MAST4: variants seen among roughly 807,000 people sequenced by gnomAD.
MAST4 encodes microtubule associated serine/threonine kinase family member 4.
Under a neutral mutation model 162.7 loss-of-function variants are expected in MAST4, and 89 were observed. The ratio of observed to expected loss-of-function variants is 0.55; its 90% confidence interval spans 0.46 to 0.65. The LOEUF is 0.65. MAST4 is among the 30% of genes least tolerant of loss of function. The pLI is 0.00. For missense variants in MAST4, 3,153 were observed against 3,374.0 expected, an observed-to-expected ratio of 0.93 and a Z score of 1.62; for synonymous variants, 1,479 against 1,361.1, an observed-to-expected ratio of 1.09 and a Z score of -1.91.
intron 1 of MAST4, among the ~76,000 whole-genome samples, chr5:66,656,596 C>T (rs1428175224): frequency 6.6e-6 from 1 of 152,018 alleles, no homozygotes; most frequent in Non-Finnish European, 1.5e-5. Context: ...ACTCTAGATT[C>T]GATTAAAAAA....
chr5:66,974,080 C>A (rs1205604157), intron 4 of MAST4, among the ~76,000 whole-genome samples: 1 of 152,170 alleles, frequency 6.6e-6, no homozygotes, highest in Admixed American at 6.5e-5. Context: ...TCCTTAGCAT[C>A]TATAGTAAAT....
intron 14 of MAST4, among the ~76,000 whole-genome samples, chr5:67,128,829 C>A (rs752468278): frequency 6.6e-6 from 1 of 152,146 alleles, no homozygotes; most frequent in Admixed American, 6.6e-5. Context: ...ACTGGACATA[C>A]TTTACTGTGA....
intron 3 of MAST4, among the ~76,000 whole-genome samples, chr5:66,876,232 C>A (rs114325939): frequency 6.6e-6 from 1 of 152,158 alleles, no homozygotes; most frequent in Non-Finnish European, 1.5e-5. Context: ...CTGGTAAACA[C>A]TATCAATGCA....
At chr5:66,923,917 G>A (rs187633325) in intron 4 of MAST4, among the ~76,000 whole-genome samples, 10 of 152,282 alleles carry the variant, frequency 6.6e-5, no homozygotes, top group East Asian at 5.8e-4. Flanking sequence ...ATTCAGGACC[G>A]AAGGAGCAAA....
intron 2 of MAST4, among the ~76,000 whole-genome samples, chr5:66,773,958 C>G (rs1238669969): frequency 6.6e-6 from 1 of 152,174 alleles, no homozygotes; most frequent in African/African-American, 2.4e-5. Flanking sequence ...TCCCAGCTTC[C>G]CAGTCTGTGT....
At chr5:66,655,477 T>C (rs1225950127) in intron 1 of MAST4, among the ~76,000 whole-genome samples, 1 of 152,184 alleles carries the variant, frequency 6.6e-6, no homozygotes, top group African/African-American at 2.4e-5. Flanking sequence ...TGTTGAGATT[T>C]CAGTTCTAGG....
chr5:66,870,701 C>T (rs1245459244), intron 3 of MAST4: 8 of 456,858 alleles, frequency 1.8e-5, no homozygotes, highest in Non-Finnish European at 3.6e-5. Context: ...CCTTTTCTGA[C>T]CATTTCTCCA....
intron 1 of MAST4, among the ~76,000 whole-genome samples, chr5:66,726,354 C>G (rs1343500743): frequency 6.6e-6 from 1 of 151,984 alleles, no homozygotes; most frequent in African/African-American, 2.4e-5. Context: ...TTCCAAGGTT[C>G]CAGCAAGCCT....
chr5:66,731,382 A>C (rs1404184976), intron 1 of MAST4, among the ~76,000 whole-genome samples: 1 of 152,154 alleles, frequency 6.6e-6, no homozygotes, highest in African/African-American at 2.4e-5. Context: ...AGTTTGCTCG[A>C]TTCTAGGTTC....
chr5:66,662,266 T>A (rs77701972), intron 1 of MAST4: 1 of 152,186 alleles, frequency 6.6e-6, no homozygotes, highest in African/African-American at 2.4e-5. Flanking sequence ...CTTATTGCCC[T>A]TCCATTTTGC....
intron 4 of MAST4, among the ~76,000 whole-genome samples, chr5:67,004,329 C>A (rs1266449979): frequency 6.6e-6 from 1 of 152,206 alleles, no homozygotes. Flanking sequence ...AAGGCCCTGC[C>A]GCCTCCTCCC....
At chr5:66,831,148 G>T (rs978976834) in intron 3 of MAST4, among the ~76,000 whole-genome samples, 19 of 152,060 alleles carry the variant, frequency 1.2e-4, no homozygotes, top group Non-Finnish European at 2.8e-4. Context: ...GAAAACCAAG[G>T]GATGATTTCT....
intron 3 of MAST4, among the ~76,000 whole-genome samples, chr5:66,824,933 T>C (rs1757170252): frequency 6.6e-6 from 1 of 152,202 alleles, no homozygotes; most frequent in Non-Finnish European, 1.5e-5. Context: ...TGGAAGTTGC[T>C]GTGGGTGAGT....
intron 1 of MAST4, among the ~76,000 whole-genome samples, chr5:66,645,438 G>T (rs540001186): frequency 1.3e-5 from 2 of 152,262 alleles, no homozygotes; most frequent in African/African-American, 4.8e-5. Context: ...CGATGCCTAG[G>T]CCAATGTTAT....
intron 4 of MAST4, among the ~76,000 whole-genome samples, chr5:66,910,741 C>CTTTGTT (rs1763690763): frequency 7.0e-4 from 14 of 20,082 alleles, no homozygotes; most frequent in South Asian, 1.4e-3. Flanking sequence ...TTTTTTTTTT[C>CTTTGTT]TTTTTTTTTT....
intron 4 of MAST4, among the ~76,000 whole-genome samples, chr5:66,925,073 T>G (rs1268742133): frequency 6.6e-6 from 1 of 152,188 alleles, no homozygotes; most frequent in Non-Finnish European, 1.5e-5. Flanking sequence ...GGCACAAATG[T>G]TTTTCTATAT....
intron 4 of MAST4, among the ~76,000 whole-genome samples, chr5:66,937,273 A>G (rs1742849780): frequency 6.6e-6 from 1 of 152,208 alleles, no homozygotes; most frequent in African/African-American, 2.4e-5. Context: ...TTAGGAGAAC[A>G]AAATCCCTCT....
At chr5:66,750,601 G>A (rs978056544) in intron 1 of MAST4, among the ~76,000 whole-genome samples, 3 of 152,204 alleles carry the variant, frequency 2.0e-5, no homozygotes, top group Non-Finnish European at 4.4e-5. Context: ...CTTAAAAAAC[G>A]GCGCACCAGG....
At chr5:66,754,845 G>A (rs932911686) in intron 1 of MAST4, among the ~76,000 whole-genome samples, 2 of 152,176 alleles carry the variant, frequency 1.3e-5, no homozygotes, top group African/African-American at 4.8e-5. Context: ...ATCCCAGGAA[G>A]AGTGACATTT....
Sources: gnomAD v4.1 joint callset for allele counts (sites outside exome capture counted in the v4.1 genomes callset) on GRCh38, gnomAD v4.1.1 for gene constraint, MANE v1.5 for transcripts, NCBI Gene and HGNC (gene_info 2026-07-23, HGNC 2026-07-21) for gene names.